The following MADD variants were observed in gnomAD, a reference collection of about 807,000 sequenced individuals.
MADD encodes the protein MAP kinase activating death domain, also known as MAP kinase-activating death domain protein.
MADD carries 109 observed loss-of-function variants against 176.7 expected under a neutral mutation model. That is an observed-to-expected ratio of 0.62 (90% confidence interval 0.53 to 0.72). MADD has a LOEUF of 0.72. Ranked by LOEUF, MADD falls within the 30% of genes least tolerant of loss-of-function variation. The pLI is 0.00. For missense variants in MADD, 1,914 were observed against 2,045.5 expected (o/e 0.94, Z 1.24); for synonymous variants, 771 against 771.3 (o/e 1.00, Z 0.01).
intron 31 of MADD, chr11:47,327,779 C>T (rs1279618012): frequency 1.4e-5 from 14 of 985,324 alleles, no homozygotes; most frequent in African/African-American, 1.7e-5. Context: ...GAAGAAGGTA[C>T]GGCCAATTCT....
At chr11:47,271,211 G>A (rs1169781818) in intron 1 of MADD, 1 of 152,242 alleles carries the variant, frequency 6.6e-6, no homozygotes, top group Non-Finnish European at 1.5e-5. Flanking sequence ...AAGAGGCAGA[G>A]TCGGAGCCTC....
intron 15 of MADD, among the ~76,000 whole-genome samples, chr11:47,288,001 A>T (rs1250436215): frequency 6.6e-6 from 1 of 150,952 alleles, no homozygotes; most frequent in Non-Finnish European, 1.5e-5. Flanking sequence ...GTTAGCCAGG[A>T]TGGTCTCGAT....
At chr11:47,275,854 A>G (rs781545396) in intron 3 of MADD, 45 bp from the exon 4 acceptor site, 1 of 1,547,788 alleles carries the variant, frequency 6.5e-7, no homozygotes, top group Non-Finnish European at 8.8e-7. Flanking sequence ...GTAGGGTATC[A>G]GCTTCTGATG....
chr11:47,296,033 A>C lies in MADD; in HGVS notation c.3620A>C (p.Asn1207Thr), dbSNP rs1273948216. 1.9e-6 allele frequency: 3 copies of C among 1,613,816 alleles called. No individual in the cohort carries two copies. In the African/African-American group the frequency reaches 4.0e-5, roughly 22 times the overall value. The stretch of plus-strand genomic sequence containing the variant: ...TTGTCTGATAGTGAAATTGAGACCA[A>C]CTCTGCCACAAGCACCATCTTTGTA... Residue 1207 changes from asparagine to threonine, a missense_variant, in exon 22 of 33, where the codon AAC (asparagine) becomes ACC (threonine). Asn to Thr is a moderately conservative substitution (Grantham distance 65, BLOSUM62 0). Around this residue, in one of 2 missense-constraint regions of MADD, gnomAD observed 1,767 missense variants for 1,836.0 expected, o/e 0.96. Coordinates refer to ENST00000402192, the Ensembl canonical transcript of MADD.
chr11:47,286,189 T>G (rs76848296), intron 14 of MADD, among the ~76,000 whole-genome samples: 4,071 of 152,234 alleles, frequency 0.027, 185 homozygotes, highest in African/African-American at 0.093. Context: ...GATGAGAGAC[T>G]TGGATATTAT....
exon 33 of MADD, chr11:47,329,474 C>T (rs577514288): frequency 3.9e-5 from 12 of 305,838 alleles, no homozygotes; most frequent in African/African-American, 1.9e-4. Context: ...TTGTCCCTGG[C>T]GTTATAACTG....
chr11:47,277,821 A>G (rs1418816564), intron 5 of MADD, among the ~76,000 whole-genome samples: 1 of 152,236 alleles, frequency 6.6e-6, no homozygotes, highest in Non-Finnish European at 1.5e-5. Context: ...CATGCTTCTC[A>G]GAACTATTGT....
chr11:47,269,784 C>G (rs1438490918), upstream of MADD: 2 of 152,110 alleles, frequency 1.3e-5, no homozygotes, highest in East Asian at 3.9e-4. Context: ...GGATGGGGAG[C>G]CCGTCAGGAA....
chr11:47,289,330 G>A, intron 15 of MADD, 61 bp from the exon 17 acceptor site: 1 of 1,366,872 alleles, frequency 7.3e-7, no homozygotes. Flanking sequence ...TTAGGGCTGT[G>A]CTGGCATGAG....
intron 3 of MADD, 42 bp downstream of exon 3, chr11:47,275,201 GA>G: frequency 6.5e-7 from 1 of 1,543,346 alleles, no homozygotes; most frequent in Non-Finnish European, 8.8e-7. Context: ...AGCATTTAGA[GA>G]TTCCATGTAA....
chr11:47,284,923 A>ATT lies in MADD; in HGVS notation c.2158-16_2158-15dup, dbSNP rs1044433710. On this transcript the variant is annotated splice_polypyrimidine_tract_variant and intron_variant, in intron 12 of 32. Coordinates refer to ENST00000402192, the Ensembl canonical transcript of MADD. ...ATTGGGCACCAGGTAACCACTTTTAATTTCATGCGGCCTTTAGGAACCTGC... is the reference window on the plus strand; with the variant it reads ...ATTGGGCACCAGGTAACCACTTTTAATTTTTCATGCGGCCTTTAGGAACCTGC... The ATT allele has an allele frequency of 1.2e-6, 2 of 1,612,568 alleles. No homozygotes were observed. Among genetic ancestry groups the ATT allele is most frequent in the East Asian group, 2.2e-5 (1 of 44,874 alleles).
intron 27 of MADD, among the ~76,000 whole-genome samples, chr11:47,317,323 T>G (rs2093355022): frequency 6.6e-6 from 1 of 152,206 alleles, no homozygotes; most frequent in Admixed American, 6.5e-5. Flanking sequence ...CAAGTGTGTC[T>G]AAGGATTCCC....
At position 47,311,840 on chromosome 11, in the gene MADD, C is replaced by G. The variant is rs139032053; in HGVS notation, c.4087C>G (p.Leu1363Val). 4.6e-4 allele frequency: 739 copies of G among 1,608,752 alleles called. No homozygotes were observed. Among genetic ancestry groups the G allele is most frequent in the Non-Finnish European group, 5.6e-4 (664 of 1,175,778 alleles). The change falls in exon 26 of 33, where the codon CTG becomes GTG. Residue 1363 changes from leucine to valine, a missense_variant and splice_region_variant. Physicochemically the swap from Leu to Val is conservative, Grantham distance 32 (BLOSUM62 1). Transcript: ENST00000402192. ...TGAGGTGCTTGATCAGCTGGCGAAC[C>G]TGGTAAGCACGTCTGGCCACCCCTT...
chr11:47,279,298 T>G (rs1009569088), intron 7 of MADD, among the ~76,000 whole-genome samples: 6 of 152,168 alleles, frequency 3.9e-5, no homozygotes, highest in African/African-American at 1.4e-4. Context: ...CTTCTAATGC[T>G]TATGATGCTG....
intron 5 of MADD, among the ~76,000 whole-genome samples, chr11:47,277,900 T>C (rs1357474411): frequency 6.6e-6 from 1 of 152,226 alleles, no homozygotes; most frequent in African/African-American, 2.4e-5. Context: ...AATTTTCCTT[T>C]TAATATTTTC....
At chr11:47,316,046 G>A (rs940861660) in intron 27 of MADD, among the ~76,000 whole-genome samples, 3 of 152,026 alleles carry the variant, frequency 2.0e-5, no homozygotes, top group African/African-American at 7.2e-5. Context: ...TCGTTGGCCA[G>A]GCTGGTCTTG....
At position 47,273,778 on chromosome 11, in the gene MADD, G is replaced by A. The variant is rs1281953180; in HGVS notation, c.-88-49G>A. ...GCCGGGAAGAAGTTGAGAGGGATGAGTCCCTTAGGCACAGCAGTGGATCTT... is the reference window on the plus strand; with the variant it reads ...GCCGGGAAGAAGTTGAGAGGGATGAATCCCTTAGGCACAGCAGTGGATCTT... On this transcript the variant is annotated intron_variant, in intron 1 of 32. Coordinates refer to ENST00000402192, the Ensembl canonical transcript of MADD. The A allele has an allele frequency of 5.9e-6, 4 of 674,260 alleles. No individual in the cohort carries two copies. The East Asian group carries it at 1.1e-4, about 19-fold the overall frequency. 41.8% of individuals were successfully genotyped at this position (674,260 alleles called of 1,614,324 possible).
intron 5 of MADD, among the ~76,000 whole-genome samples, chr11:47,277,101 G>A (rs547270975): frequency 3.9e-5 from 6 of 152,318 alleles, no homozygotes; most frequent in Admixed American, 6.5e-5. Context: ...CAGGTGTTAC[G>A]TGTGTTACGT....
chr11:47,326,440 A>T, intron 30 of MADD, 104 bp from the exon 34 acceptor site: 1 of 882,334 alleles, frequency 1.1e-6, no homozygotes, highest in Non-Finnish European at 1.5e-6. Context: ...CCCTGGGCAG[A>T]GGGTACGGGC....
Sources: allele counts gnomAD v4.1 joint callset (sites outside exome capture counted in the v4.1 genomes callset), GRCh38; gene constraint gnomAD v4.1.1; regional missense constraint gnomAD v4.1.1; transcripts MANE v1.5; gene names NCBI Gene and HGNC (gene_info 2026-07-23, HGNC 2026-07-21).